Variants in PLXNA2 observed in about 807,000 individuals in gnomAD.
PLXNA2 encodes the protein plexin A2.
PLXNA2 carries 91 observed loss-of-function variants against 193.5 expected under a neutral mutation model. The observed-to-expected ratio is 0.47, with a 90% confidence interval of 0.40 to 0.56. The LOEUF is 0.56. PLXNA2 is among the 20% of genes least tolerant of loss of function. The pLI, the probability that PLXNA2 is intolerant of heterozygous loss-of-function variation, is 0.00. For synonymous variants in PLXNA2, 997 were observed against 1,027.3 expected, an observed-to-expected ratio of 0.97 and a Z score of 0.56; for missense variants, 1,995 against 2,503.2, an observed-to-expected ratio of 0.80 and a Z score of 4.33.
At chr1:208,103,297 GCAGGTGTGTGTCAC>G in intron 4 of PLXNA2, 50 bp from the exon 5 acceptor site, 1 of 1,398,612 alleles carries the variant, frequency 7.1e-7, no homozygotes. Context: ...GTGACGACTA[GCAGGTGTGTGTCAC>G]ACAGTCCTGT....
At chr1:208,135,504 A>G (rs561134900) in intron 4 of PLXNA2, among the ~76,000 whole-genome samples, 43 of 152,336 alleles carry the variant, frequency 2.8e-4, no homozygotes, top group Middle Eastern at 3.4e-3. Flanking sequence ...GATTCCTGCA[A>G]ACCCTTCCTG....
rs570487538 is a variant in PLXNA2, at chr1:208,153,017, A to G, written c.1372-10554T>C. Among the ~76,000 whole-genome samples the G allele has an allele frequency of 2.6e-5, 4 of 152,258 alleles. No individual in the cohort carries two copies. In the South Asian group the frequency reaches 8.3e-4, roughly 32 times the overall value. On this transcript the variant is annotated intron_variant, in intron 3 of 31. Coordinates refer to ENST00000367033, the MANE Select transcript of PLXNA2 (RefSeq NM_025179.4). ...CATATGCAGTCATCTTTCCTAAGAT[A>G]TTCAGGCTCCTGGAGAAGAAACCAT...
intron 3 of PLXNA2, among the ~76,000 whole-genome samples, chr1:208,145,442 A>C (rs1352049722): frequency 6.6e-6 from 1 of 152,212 alleles, no homozygotes; most frequent in African/African-American, 2.4e-5. Flanking sequence ...GCTGGCTGGA[A>C]TAGTCCGCTG....
At chr1:208,120,609 T>A (rs1373616217) in intron 4 of PLXNA2, among the ~76,000 whole-genome samples, 1 of 152,170 alleles carries the variant, frequency 6.6e-6, no homozygotes, top group Non-Finnish European at 1.5e-5. Flanking sequence ...GTAAGATGAA[T>A]GAGGACTTTT....
At chr1:208,040,108 G>A (rs771750548) in intron 22 of PLXNA2, 50 bp from the exon 23 acceptor site, 17 of 1,474,100 alleles carry the variant, frequency 1.2e-5, no homozygotes, top group Admixed American at 6.7e-5. Context: ...AGGGGTCTCC[G>A]TGGTGGGGCC....
chr1:208,071,051 C>T lies in PLXNA2; in HGVS notation c.2586+8209G>A, dbSNP rs113916094. 2.9e-3 allele frequency among the ~76,000 whole-genome samples: 436 copies of T among 152,268 alleles called. 2 individuals carry two copies. Among genetic ancestry groups the T allele is most frequent in the African/African-American group, 9.9e-3 (413 of 41,546 alleles). Reference sequence around the variant, plus strand: ...GGTGGTTGGTGGGGACATTGCCCAGCGTGGCATTGGCTGCCCCTCTATGGG... The same window carrying T: ...GGTGGTTGGTGGGGACATTGCCCAGTGTGGCATTGGCTGCCCCTCTATGGG... On this transcript the variant is annotated intron_variant, in intron 12 of 31. Transcript: ENST00000367033.
Position 208,184,150 on chromosome 1 carries a change from G to C in PLXNA2, c.1371+26130C>G, listed in dbSNP as rs147144485. ...TCTTGATTTCCCCAGATGTTCACAT[G>C]ATAGCCTGCTCCTTAGGAATGAGGG... On this transcript the variant is annotated intron_variant, in intron 3 of 31. Transcript: ENST00000367033. Among the ~76,000 whole-genome samples the C allele has an allele frequency of 1.6e-3, 240 of 152,244 alleles. 2 individuals are homozygous for C. Among genetic ancestry groups the C allele is most frequent in the East Asian group, 2.7e-3 (14 of 5,176 alleles).
Position 208,098,880 on chromosome 1 carries a change from GGATGCAC to G in PLXNA2, c.1690_1696del (p.Val564ProfsTer16). The G allele has an allele frequency of 6.2e-7, 1 of 1,613,912 alleles. No individual in the cohort carries two copies. Among genetic ancestry groups the G allele is most frequent in the Non-Finnish European group, 8.5e-7 (1 of 1,179,958 alleles). The stretch of plus-strand genomic sequence containing the variant: ...GTGCTCAGATACTGAGATGCTGCTG[GGATGCAC>G]TGCAAGGCTCACACACTGGCTGATG... On this transcript the variant is annotated frameshift_variant, in exon 6 of 32. Transcript: ENST00000367033. LOFTEE classifies it high-confidence loss of function.
chr1:208,088,476 T>C (rs1199850871), intron 9 of PLXNA2, among the ~76,000 whole-genome samples: 1 of 152,276 alleles, frequency 6.6e-6, no homozygotes, highest in African/African-American at 2.4e-5. Flanking sequence ...GATATTTATG[T>C]ATCTACATCT....
Position 208,082,566 on chromosome 1 carries a change from G to T in PLXNA2, c.2299-58C>A, listed in dbSNP as rs1026965910. On this transcript the variant is annotated intron_variant, in intron 10 of 31. Transcript: ENST00000367033. The surrounding 1 kb of genome is among the most constrained non-coding windows in gnomAD (Gnocchi z 4.2). ...TGTGGCTCTCTATCACAGGGGTCAG[G>T]GATGCAGACAAACCCTGCATGCTGC... is the stretch of plus-strand genomic sequence containing the variant. 3.5e-5 allele frequency: 43 copies of T among 1,212,504 alleles called. No homozygotes were observed. The African/African-American group carries it at 6.3e-4, about 18-fold the overall frequency. The allele number at this position is 1,212,504 out of a possible 1,614,324, so 75.1% of individuals were successfully genotyped here.
At chr1:208,158,457 CCCAGACT>C (rs1169222739) in intron 3 of PLXNA2, among the ~76,000 whole-genome samples, 2 of 152,128 alleles carry the variant, frequency 1.3e-5, no homozygotes, top group Non-Finnish European at 2.9e-5. Flanking sequence ...CCCTGTCTGC[CCCAGACT>C]CCAGAGGCAG....
intron 3 of PLXNA2, among the ~76,000 whole-genome samples, chr1:208,168,825 G>C (rs1210331145): frequency 7.1e-6 from 1 of 141,594 alleles, no homozygotes; most frequent in African/African-American, 2.6e-5. Flanking sequence ...GCCAGGTCAT[G>C]CTATCCCAGT....
intron 17 of PLXNA2, among the ~76,000 whole-genome samples, chr1:208,049,099 T>C (rs1305669056): frequency 6.6e-6 from 1 of 152,188 alleles, no homozygotes; most frequent in Non-Finnish European, 1.5e-5. Flanking sequence ...TGTTCCTTCC[T>C]GCAGAAACCA....
intron 12 of PLXNA2, among the ~76,000 whole-genome samples, chr1:208,073,574 G>A (rs1360283109): frequency 2.0e-5 from 3 of 152,116 alleles, no homozygotes; most frequent in Non-Finnish European, 2.9e-5. Context: ...TTGGAATGGT[G>A]GCATCTCCCC....
Position 208,096,013 on chromosome 1 carries a change from T to C in PLXNA2, c.1982+16A>G. 6.3e-7 allele frequency: 1 copy of C among 1,597,092 alleles called. No individual in the cohort carries two copies. Among genetic ancestry groups the C allele is most frequent in the Non-Finnish European group, 8.6e-7 (1 of 1,164,586 alleles). On this transcript the variant is annotated intron_variant, in intron 8 of 31. Transcript: ENST00000367033. ...CATCCAGACCCAGAGCAAGACCCTT[T>C]CTAATAAGCACTTACAGTTGGTGGG...
In PLXNA2 at chr1:208,028,057, C is replaced by T. The variant is rs1558152475; in HGVS notation, c.5541G>A (p.Leu1847=). 1 of 1,610,476 alleles carries T rather than the reference C, an allele frequency of 6.2e-7. No individual in the cohort carries two copies. The highest frequency in any genetic ancestry group is 2.2e-5 in the East Asian group (1 of 44,542). ...AGGAGTAGATCTCATTGAGGGCACT[C>T]AGCATGTTGAACTCCACGGCGTGCA... ...SRLHAVEFNM[L]SALNEIYSYV... is the part of the protein sequence containing the mutation. Residue 1847 remains leucine (L), a synonymous_variant, in exon 31 of 32, where the codon CTG becomes CTA. Transcript: ENST00000367033. The surrounding 1 kb of genome is among the most constrained non-coding windows in gnomAD (Gnocchi z 4.2).
chr1:208,238,732 T>TA (rs140785215), intron 1 of PLXNA2, among the ~76,000 whole-genome samples: 4,885 of 152,004 alleles, frequency 0.032, 264 homozygotes, highest in African/African-American at 0.11. Context: ...AAAGCTCTTT[T>TA]AAAAAAAAGT....
chr1:208,216,877 G>A lies in PLXNA2; in HGVS notation c.1046C>T (p.Pro349Leu), dbSNP rs756471942. 24 of 1,614,110 alleles carry A rather than the reference G, an allele frequency of 1.5e-5. No homozygotes were observed. Among genetic ancestry groups the A allele is most frequent in the Middle Eastern group, 1.6e-4 (1 of 6,084 alleles). ...GGCACACAGGGCAGAGTCATCGGGC[G>A]GGTGGTGATACTGCTTCTGCCCTTT... ...FSKGQKQYHH[P>L]PDDSALCAFP... Residue 349 changes from proline (P) to leucine (L), a missense_variant, in exon 2 of 32, where the codon CCG (proline) becomes CTG (leucine). Coordinates refer to ENST00000367033, the MANE Select transcript of PLXNA2 (RefSeq NM_025179.4).
intron 12 of PLXNA2, among the ~76,000 whole-genome samples, chr1:208,068,533 C>A (rs562242461): frequency 1.3e-5 from 2 of 152,202 alleles, no homozygotes; most frequent in Admixed American, 1.3e-4. Context: ...GTTTCTAAAC[C>A]CTTTGATCAT....
Sources: gnomAD v4.1 joint callset for allele counts (sites outside exome capture counted in the v4.1 genomes callset) on GRCh38, gnomAD v4.1.1 for gene constraint, Gnocchi (gnomAD v3.1) non-coding constraint, MANE v1.5 for transcripts, NCBI Gene and HGNC (gene_info 2026-07-23, HGNC 2026-07-21) for gene names.